Variants in CD163L1 observed in about 807,000 individuals in gnomAD.
CD163L1 encodes the protein CD163 molecule like 1, also known as scavenger receptor cysteine-rich type 1 protein M160.
CD163L1 carries 124 observed loss-of-function variants against 165.4 expected under a neutral mutation model. The ratio of observed to expected loss-of-function variants is 0.75; its 90% confidence interval spans 0.65 to 0.87. CD163L1 has a LOEUF of 0.87. Among genes scored for constraint, CD163L1 ranks in the 40% least tolerant of loss-of-function variants. The pLI is 0.00. For missense variants in CD163L1, 1,525 were observed against 1,799.9 expected (o/e 0.85, Z 2.76); for synonymous variants, 585 against 662.2 (o/e 0.88, Z 1.79).
rs935080411 is a variant in CD163L1 at position 7,400,065 on chromosome 12, T to C, written c.1409-1481A>G. ...TTCTATTCAACCTAGTATGTGTGTG[T>C]GTGTATTTTAAAACATAACATTTAA... is the stretch of plus-strand genomic sequence containing the variant. On this transcript the variant is annotated intron_variant, in intron 6 of 19. Coordinates refer to ENST00000313599, the MANE Select transcript of CD163L1 (RefSeq NM_174941.6). This position sits in a 1 kb window ranked among gnomAD's most constrained non-coding sequence, Gnocchi z 4.1. 2.0e-5 allele frequency among the ~76,000 whole-genome samples: 3 copies of C among 152,218 alleles called. No homozygotes were observed. Among genetic ancestry groups the C allele is most frequent in the Admixed American group, 6.5e-5 (1 of 15,278 alleles).
At chr12:7,320,671 G>C in the CD163L1 span, 7 of 1,463,236 alleles carry the variant, frequency 4.8e-6, no homozygotes, top group Non-Finnish European at 6.7e-6. Context: ...ATCAGCTCTA[G>C]TCATGGCCTT....
At chr12:7,327,227 C>A in the CD163L1 span, 1 of 1,172,926 alleles carries the variant, frequency 8.5e-7, no homozygotes, top group Non-Finnish European at 1.2e-6. Flanking sequence ...TTTGTTTAAC[C>A]CTAAGAATTT....
chr12:7,373,399 G>C lies in CD163L1; in HGVS notation c.3651C>G (p.Ile1217Met). The C allele has an allele frequency of 1.2e-6, 2 of 1,614,200 alleles. No individual in the cohort carries two copies. The highest frequency in any genetic ancestry group is 1.7e-6 in the Non-Finnish European group (2 of 1,180,024). Residue 1217 changes from isoleucine to methionine, a missense_variant, in exon 14 of 20, where the codon ATC becomes ATG. Transcript: ENST00000313599. Reference protein sequence around the residue: ...VDDIQCPKTHISIWQCLSAPW... With the variant: ...VDDIQCPKTHMSIWQCLSAPW... Reference sequence around the variant, plus strand: ...GGGCAGACAGGCACTGCCATATGGAGATATGCGTTTTAGGACACTGAATGT... The same window carrying C: ...GGGCAGACAGGCACTGCCATATGGACATATGCGTTTTAGGACACTGAATGT...
In CD163L1 at chr12:7,373,520, G is replaced by T. The variant is rs771585037; in HGVS notation, c.3530C>A (p.Ala1177Glu). 87 of 1,614,222 alleles carry T rather than the reference G, an allele frequency of 5.4e-5. 1 individual carries two copies. The South Asian group carries it at 9.0e-4, about 17-fold the overall frequency. ...GCCCAGCTGCCTGCACACAATGCCT[G>T]CTATGGCTGTGGTGATGTTCCTCCT... The part of the protein sequence containing the change: ...VGRRNITTAI[A>E]GIVCRQLGCG... The change falls in exon 14 of 20, where the codon GCA becomes GAA. Residue 1177 changes from alanine to glutamate, a missense_variant. Transcript: ENST00000313599.
intron 2 of CD163L1, among the ~76,000 whole-genome samples, chr12:7,437,168 AAT>A (rs1491131780): frequency 0.17 from 13,115 of 77,270 alleles, 1,271 homozygotes; most frequent in African/African-American, 0.26. Context: ...TATTTTTATT[AAT>A]AGTATTACTT....
At chr12:7,433,227 G>A (rs1948659119) in intron 3 of CD163L1, 147 bp downstream of exon 3, 1 of 596,594 alleles carries the variant, frequency 1.7e-6, no homozygotes, top group Non-Finnish European at 2.7e-6. Flanking sequence ...CATTACTTTG[G>A]AAATAAGGGA....
intron 18 of CD163L1, among the ~76,000 whole-genome samples, chr12:7,358,910 T>A (rs779406463): frequency 6.6e-6 from 1 of 151,904 alleles, no homozygotes; most frequent in Non-Finnish European, 1.5e-5. Context: ...AAAGAAAGAA[T>A]TAAAAATGCA....
the CD163L1 span, among the ~76,000 whole-genome samples, chr12:7,339,568 T>C: frequency 6.6e-6 from 1 of 152,166 alleles, no homozygotes; most frequent in Non-Finnish European, 1.5e-5. Context: ...ATGTGCCAGA[T>C]AGCTAACCCC....
chr12:7,378,859 T>G, intron 9 of CD163L1, 119 bp downstream of exon 9: 1 of 785,434 alleles, frequency 1.3e-6, no homozygotes, highest in Non-Finnish European at 2.0e-6. Context: ...TAGGATTACT[T>G]TTATCTAGTT....
intron 8 of CD163L1, among the ~76,000 whole-genome samples, chr12:7,381,962 AT>A (rs60005928): frequency 0.081 from 11,566 of 142,476 alleles, 1,047 homozygotes; most frequent in African/African-American, 0.22. Context: ...AATTAAAAAA[AT>A]ATATATTTAT....
At position 7,396,333 on chromosome 12, in the gene CD163L1, C is replaced by T; in HGVS notation, c.1812G>A (p.Trp604Ter). 3 of 1,614,146 alleles carry T rather than the reference C, an allele frequency of 1.9e-6. No homozygotes were observed. The highest frequency in any genetic ancestry group is 2.5e-6 in the Non-Finnish European group (3 of 1,179,998). Reference sequence around the variant, plus strand: ...TCCAGCCGTCATCACACACTGTGCCCCACCGTCCTTGAAAGTACACCTCCA... The same window carrying T: ...TCCAGCCGTCATCACACACTGTGCCTCACCGTCCTTGAAAGTACACCTCCA... The part of the protein sequence containing the change: ...GRLEVYFQGR[W>*]GTVCDDGWNS... Residue 604 changes from tryptophan (W) to a stop codon, truncating the protein, a stop_gained, in exon 8 of 20, where the codon TGG becomes TGA. Coordinates refer to ENST00000313599, the MANE Select transcript of CD163L1 (RefSeq NM_174941.6). LOFTEE classifies it high-confidence loss of function.
chr12:7,421,955 C>A (rs1251707474), intron 4 of CD163L1, among the ~76,000 whole-genome samples: 1 of 152,000 alleles, frequency 6.6e-6, no homozygotes, highest in African/African-American at 2.4e-5. Context: ...GGAAAAACTG[C>A]CTCCTCAAGT....
Position 7,406,808 on chromosome 12 carries a change from A to G in CD163L1, c.811T>C (p.Cys271Arg). ...ATTTTCAGCTCTACTCTCCCCATAC[A>G]GCGGTTAGTTCCACCTACAAGCCTT... is the stretch of plus-strand genomic sequence containing the variant. ...ELRLVGGTNRCMGRVELKIQG... is the reference protein window; with the variant it reads ...ELRLVGGTNRRMGRVELKIQG... Residue 271 changes from cysteine (C) to arginine (R), a missense_variant, in exon 5 of 20, where the codon TGT (cysteine) becomes CGT (arginine). Transcript: ENST00000313599. The G allele has an allele frequency of 4.3e-6, 7 of 1,614,042 alleles. No homozygotes were observed. Among genetic ancestry groups the G allele is most frequent in the Non-Finnish European group, 5.9e-6 (7 of 1,179,974 alleles).
chr12:7,379,784 C>T (rs1947346522), intron 8 of CD163L1, among the ~76,000 whole-genome samples: 1 of 150,392 alleles, frequency 6.6e-6, no homozygotes, highest in South Asian at 2.1e-4. Flanking sequence ...TTAGTGATGC[C>T]AAATGAAGTA....
At chr12:7,362,438 A>G (rs1281615015) in intron 18 of CD163L1, among the ~76,000 whole-genome samples, 1 of 138,142 alleles carries the variant, frequency 7.2e-6, no homozygotes, top group Non-Finnish European at 1.5e-5. Flanking sequence ...TATACCATAT[A>G]TAATTATGTG....
At chr12:7,336,764 A>G in the CD163L1 span, among the ~76,000 whole-genome samples, 2 of 152,162 alleles carry the variant, frequency 1.3e-5, no homozygotes, top group East Asian at 3.8e-4. Flanking sequence ...CTTGTAAAGT[A>G]ATGCTATTCC....
Position 7,409,261 on chromosome 12 carries a change from TG to T in CD163L1, c.767-2410del, listed in dbSNP as rs1948086133. ...CTCCTCATAAAGTAAGTTTTATTTT[TG>T]TATACTAATTTATGTAAAATCTGCC... is the stretch of plus-strand genomic sequence containing the variant. On this transcript the variant is annotated intron_variant, in intron 4 of 19. Coordinates refer to ENST00000313599, the MANE Select transcript of CD163L1 (RefSeq NM_174941.6). Among the ~76,000 whole-genome samples, 6 of 152,336 alleles carry T rather than the reference TG, an allele frequency of 3.9e-5. No individual in the cohort carries two copies. In the South Asian group the frequency reaches 1.2e-3, roughly 32 times the overall value.
chr12:7,391,847 A>G (rs781312272), intron 8 of CD163L1, among the ~76,000 whole-genome samples: 3 of 152,348 alleles, frequency 2.0e-5, no homozygotes, highest in East Asian at 1.9e-4. Context: ...ATAATGGTAA[A>G]GGGATCAATT....
At chr12:7,362,684 A>G (rs1946929406) in intron 18 of CD163L1, among the ~76,000 whole-genome samples, 1 of 146,508 alleles carries the variant, frequency 6.8e-6, no homozygotes, top group Non-Finnish European at 1.5e-5. Context: ...ATTTATATTA[A>G]TATAATTATA....
Sources: gnomAD v4.1 joint callset for allele counts (sites outside exome capture counted in the v4.1 genomes callset) on GRCh38, gnomAD v4.1.1 for gene constraint, Gnocchi (gnomAD v3.1) non-coding constraint, MANE v1.5 for transcripts, NCBI Gene and HGNC (gene_info 2026-07-23, HGNC 2026-07-21) for gene names.